NHS: variants seen among roughly 807,000 people sequenced by gnomAD.
The protein encoded by NHS is actin remodeling regulator NHS.
A neutral mutation model predicts 72.5 loss-of-function variants in NHS; 5 were observed. The observed-to-expected ratio is 0.07, with a 90% confidence interval of 0.04 to 0.14. NHS has a LOEUF of 0.14. Ranked by LOEUF, NHS falls within the 10% of genes least tolerant of loss-of-function variation. NHS has a pLI of 1.00. For synonymous variants in NHS, 464 were observed against 547.7 expected, an observed-to-expected ratio of 0.85 and a Z score of 2.13; for missense variants, 1,072 against 1,355.7, an observed-to-expected ratio of 0.79 and a Z score of 3.29.
chrX:17,604,872 A>C (rs1296313396), intron 1 of NHS, among the ~76,000 whole-genome samples: 2 of 112,118 alleles, frequency 1.8e-5, no homozygotes, highest in East Asian at 5.6e-4. Context: ...TGACCAAATC[A>C]GATGAAGAAA....
chrX:17,469,579 C>A, intron 1 of NHS, among the ~76,000 whole-genome samples: 1 of 111,736 alleles, frequency 8.9e-6, no homozygotes, highest in Non-Finnish European at 1.9e-5. Context: ...AGAGCAATGC[C>A]CCCTTCATCT....
At chrX:17,689,054 TA>T (rs1200486064) in intron 2 of NHS, among the ~76,000 whole-genome samples, 2 of 112,414 alleles carry the variant, frequency 1.8e-5, no homozygotes. Flanking sequence ...AAAATGCAAG[TA>T]AAATATTTTA....
At chrX:17,557,108 T>TG (rs1433134537) in intron 1 of NHS, 4 of 85,421 alleles carry the variant, frequency 4.7e-5, no homozygotes, top group African/African-American at 1.3e-4. Context: ...TAAGGGGGAT[T>TG]TTGTGTGTGT....
intron 1 of NHS, among the ~76,000 whole-genome samples, chrX:17,644,563 A>G (rs2065897132): frequency 9.0e-6 from 1 of 111,403 alleles, no homozygotes; most frequent in Non-Finnish European, 1.9e-5. Context: ...GTGCCTGTCT[A>G]TCTTTTAGTG....
chrX:17,546,431 C>T (rs1004291313), intron 1 of NHS, among the ~76,000 whole-genome samples: 11 of 111,853 alleles, frequency 9.8e-5, no homozygotes, highest in African/African-American at 3.3e-4. Flanking sequence ...AAAAATGGTG[C>T]GGGGGCTTTG....
chrX:17,537,994 C>T (rs2065237573), intron 1 of NHS, among the ~76,000 whole-genome samples: 1 of 112,082 alleles, frequency 8.9e-6, no homozygotes, highest in Non-Finnish European at 1.9e-5. Context: ...GGCAGGAGGG[C>T]TTCCTGCTCA....
intron 1 of NHS, among the ~76,000 whole-genome samples, chrX:17,543,456 G>A (rs1349759330): frequency 8.9e-6 from 1 of 111,815 alleles, no homozygotes; most frequent in Non-Finnish European, 1.9e-5. Flanking sequence ...TCCCATTGCT[G>A]AACCTGACGC....
In NHS at chrX:17,728,778, G is replaced by T; in HGVS notation, c.4349+3G>T. The T allele has an allele frequency of 2.5e-6, 3 of 1,211,467 alleles. No individual in the cohort carries two copies. Among genetic ancestry groups the T allele is most frequent in the Non-Finnish European group, 3.4e-6 (3 of 895,295 alleles). On this transcript the variant is annotated splice_donor_region_variant and intron_variant, in intron 8 of 8. Transcript: ENST00000676302. ...GATTTATTTGCAGTCATTCACAGGT[G>T]AGGCAACATTACCAAGTCCCCCAAA...
chrX:17,466,651 C>A (rs899589886), intron 1 of NHS, among the ~76,000 whole-genome samples: 2 of 111,995 alleles, frequency 1.8e-5, no homozygotes, highest in Non-Finnish European at 3.8e-5. Flanking sequence ...GAAGCCACTG[C>A]CAGGAGATCC....
At chrX:17,452,293 A>T (rs1054568415) in intron 1 of NHS, among the ~76,000 whole-genome samples, 4 of 111,864 alleles carry the variant, frequency 3.6e-5, no homozygotes, top group Non-Finnish European at 7.5e-5. Context: ...CAGTTTAGTG[A>T]AAATAAAAAT....
intron 1 of NHS, among the ~76,000 whole-genome samples, chrX:17,585,577 G>A (rs1168352231): frequency 9.0e-6 from 1 of 110,532 alleles, no homozygotes; most frequent in Non-Finnish European, 1.9e-5. Flanking sequence ...TTCAATAAGA[G>A]AGGAGAATAC....
intron 1 of NHS, among the ~76,000 whole-genome samples, chrX:17,649,983 T>G (rs754941821): frequency 8.9e-6 from 1 of 111,944 alleles, no homozygotes; most frequent in Non-Finnish European, 1.9e-5. Context: ...GGAGGGGACA[T>G]TCAACTTGCT....
chrX:17,433,794 A>G (rs1360396673), intron 1 of NHS, among the ~76,000 whole-genome samples: 5 of 112,000 alleles, frequency 4.5e-5, no homozygotes, highest in African/African-American at 1.6e-4. Context: ...CTTCACTTTG[A>G]CCTTTGAATT....
At chrX:17,685,499 C>T (rs1250978996) in intron 1 of NHS, among the ~76,000 whole-genome samples, 1 of 111,654 alleles carries the variant, frequency 9.0e-6, no homozygotes, top group Non-Finnish European at 1.9e-5. Flanking sequence ...TCCCAAGCAG[C>T]AGGCAGAGTT....
chrX:17,694,774 GTTA>G (rs759811984), intron 3 of NHS, among the ~76,000 whole-genome samples: 11 of 111,579 alleles, frequency 9.9e-5, no homozygotes, highest in South Asian at 7.4e-4. Context: ...AACATCAGAT[GTTA>G]TTATTATTAT....
At chrX:17,582,175 C>T (rs2065547404) in intron 1 of NHS, among the ~76,000 whole-genome samples, 1 of 111,859 alleles carries the variant, frequency 8.9e-6, no homozygotes, top group African/African-American at 3.3e-5. Context: ...TAGCTATTTC[C>T]CTACTTTTAA....
chrX:17,689,302 T>C (rs924706512), intron 2 of NHS, among the ~76,000 whole-genome samples: 1 of 112,158 alleles, frequency 8.9e-6, no homozygotes, highest in African/African-American at 3.2e-5. Context: ...CCTTGGTTAT[T>C]AGGGGAAGAC....
chrX:17,416,663 G>T (rs2064597037), intron 1 of NHS, among the ~76,000 whole-genome samples: 1 of 111,972 alleles, frequency 8.9e-6, no homozygotes, highest in South Asian at 3.7e-4. Flanking sequence ...TGCAAGCCTG[G>T]TGAGGGCCGG....
At chrX:17,552,961 C>T (rs922610008) in intron 1 of NHS, among the ~76,000 whole-genome samples, 1 of 112,763 alleles carries the variant, frequency 8.9e-6, no homozygotes, top group Non-Finnish European at 1.9e-5. Flanking sequence ...TTACTTCCAC[C>T]AAAGTTCTCA....
Sources: gnomAD v4.1 joint callset for allele counts (sites outside exome capture counted in the v4.1 genomes callset) on GRCh38, gnomAD v4.1.1 for gene constraint, MANE v1.5 for transcripts, NCBI Gene and HGNC (gene_info 2026-07-23, HGNC 2026-07-21) for gene names.